Variants in PRR30 observed in about 807,000 individuals in gnomAD.
PRR30 encodes the protein proline rich 30.
For synonymous variants in PRR30, 229 were observed against 222.7 expected, an observed-to-expected ratio of 1.03 and a Z score of -0.25; for missense variants, 546 against 525.3, an observed-to-expected ratio of 1.04 and a Z score of -0.39.
rs751095543 is a variant in PRR30 at position 27,137,623 on chromosome 2, A to G, written c.707T>C (p.Leu236Pro). ...GGCCTGGCCGGTTCTGCCTAGCCAC[A>G]GGTGCTGCAAAAGCAGTAGCCGCAG... ...HDLRLLLLQH[L>P]WLGRTGQAPV... The change falls in exon 3 of 3, where the codon CTG becomes CCG. Residue 236 changes from leucine (L) to proline (P), a missense_variant. By Grantham distance (98) the Leu-to-Pro change is moderately conservative. Coordinates refer to ENST00000335524, the MANE Select transcript of PRR30 (RefSeq NM_178553.4). The surrounding 1 kb of genome is among the most constrained non-coding windows in gnomAD (Gnocchi z 4.3). The G allele has an allele frequency of 6.8e-6, 11 of 1,611,928 alleles. No homozygotes were observed. The highest frequency in any genetic ancestry group is 9.3e-6 in the Non-Finnish European group (11 of 1,179,408).
rs1445673440 is a variant in PRR30 at position 27,138,155 on chromosome 2, G to A, written c.175C>T (p.Pro59Ser). The A allele has an allele frequency of 1.2e-6, 2 of 1,613,934 alleles. No homozygotes were observed. Among genetic ancestry groups the A allele is most frequent in the Non-Finnish European group, 8.5e-7 (1 of 1,179,964 alleles). ...PPFSSTQSRR[P>S]SSPPPASPSP... The stretch of plus-strand genomic sequence containing the variant: ...GGGGATGCTGGTGGAGGGGAGGAGG[G>A]ACGACGGGACTGAGTGGAAGAGAAC... Residue 59 changes from proline (P) to serine (S), a missense_variant, in exon 3 of 3, where the codon CCC (proline) becomes TCC (serine). By Grantham distance (74) the Pro-to-Ser change is moderately conservative. Transcript: ENST00000335524.
chr2:27,136,892 G>A lies in PRR30; in HGVS notation c.*199C>T. On this transcript the variant is annotated 3_prime_UTR_variant, in exon 3 of 3. Transcript: ENST00000335524. ...ATTAGATACACGGAGGGCTGAATGG[G>A]GCCTTGGTGCCCTTGGTCCTCTTCA... 1.4e-6 allele frequency: 1 copy of A among 706,788 alleles called. No homozygotes were observed. The highest frequency in any genetic ancestry group is 2.0e-5 in the South Asian group (1 of 50,624). 43.8% of individuals were successfully genotyped at this position (706,788 alleles called of 1,614,324 possible).
At position 27,137,187 on chromosome 2, in the gene PRR30, TGCCCGAGGTGGAGGCCCGGA is replaced by T. The variant is rs773129570; in HGVS notation, c.1123_1142del (p.Ser375ThrfsTer91). 1.2e-6 allele frequency: 2 copies of T among 1,614,134 alleles called. No individual in the cohort carries two copies. The highest frequency in any genetic ancestry group is 1.7e-6 in the Non-Finnish European group (2 of 1,180,002). On this transcript the variant is annotated frameshift_variant, in exon 3 of 3. Transcript: ENST00000335524. LOFTEE classifies it low-confidence loss of function (END_TRUNC). The surrounding 1 kb of genome is among the most constrained non-coding windows in gnomAD (Gnocchi z 4.3). ...TCAGGGAGGTAGTGACCTGTTTTGG[TGCCCGAGGTGGAGGCCCGGA>T]GAAACATCGTGGGGAGTTTGGTGAT...
Position 27,138,664 on chromosome 2 carries a change from G to T in PRR30, c.-335C>A. The stretch of plus-strand genomic sequence containing the variant: ...GAGGGGCAGCAGCGATTATCTGGGT[G>T]GGGCAGAGAGGAAGACAAAGCCCAT... On this transcript the variant is annotated 5_prime_UTR_variant, in exon 3 of 3. Coordinates refer to ENST00000335524, the MANE Select transcript of PRR30 (RefSeq NM_178553.4). 1 of 308,046 alleles carries T rather than the reference G, an allele frequency of 3.2e-6. No individual in the cohort carries two copies. The highest frequency in any genetic ancestry group is 4.6e-5 in the Admixed American group (1 of 21,668). 19.1% of individuals were successfully genotyped at this position (308,046 alleles called of 1,614,324 possible).
rs1182212552 is a variant in PRR30, at chr2:27,137,303, C to A, written c.1027G>T (p.Ala343Ser). Residue 343 changes from alanine (A) to serine (S), a missense_variant, in exon 3 of 3, where the codon GCT becomes TCT. Physicochemically the swap from Ala to Ser is moderately conservative, Grantham distance 99 (BLOSUM62 1). Transcript: ENST00000335524. This position sits in a 1 kb window ranked among gnomAD's most constrained non-coding sequence, Gnocchi z 4.3. ...HQLPASQPPA[A>S]QARADPVPGT... is the part of the protein sequence containing the mutation. ...GGGACTGGGTCGGCCCGGGCCTGAGCTGCTGGAGGCTGAGATGCTGGCAAT... is the reference window on the plus strand; with the variant it reads ...GGGACTGGGTCGGCCCGGGCCTGAGATGCTGGAGGCTGAGATGCTGGCAAT... 1 of 1,614,128 alleles carries A rather than the reference C, an allele frequency of 6.2e-7. No individual in the cohort carries two copies. Among genetic ancestry groups the A allele is most frequent in the African/African-American group, 1.3e-5 (1 of 74,944 alleles).
At position 27,138,576 on chromosome 2, in the gene PRR30, T is replaced by C; in HGVS notation, c.-247A>G. On this transcript the variant is annotated 5_prime_UTR_variant, in exon 3 of 3. Coordinates refer to ENST00000335524, the MANE Select transcript of PRR30 (RefSeq NM_178553.4). ...AATCTAAGCTTGGCTTCTCACTTCTTTGCAGTCAACCATTGATGAGGGATG... is the reference window on the plus strand; with the variant it reads ...AATCTAAGCTTGGCTTCTCACTTCTCTGCAGTCAACCATTGATGAGGGATG... 2 of 604,950 alleles carry C rather than the reference T, an allele frequency of 3.3e-6. No homozygotes were observed. Among genetic ancestry groups the C allele is most frequent in the Non-Finnish European group, 5.3e-6 (2 of 377,794 alleles). 37.5% of individuals were successfully genotyped at this position (604,950 alleles called of 1,614,324 possible).
At position 27,137,576 on chromosome 2, in the gene PRR30, A is replaced by G; in HGVS notation, c.754T>C (p.Cys252Arg). ...CTGCGGGGCCGGAGGCACACCAGGC[A>G]TATAGGATACTCCACGACTGGGGCC... is the stretch of plus-strand genomic sequence containing the variant. ...GQAPVVEYPI[C>R]LVCLRPRSPS... Residue 252 changes from cysteine (C) to arginine (R), a missense_variant, in exon 3 of 3, where the codon TGC (cysteine) becomes CGC (arginine). Coordinates refer to ENST00000335524, the MANE Select transcript of PRR30 (RefSeq NM_178553.4). The surrounding 1 kb of genome is among the most constrained non-coding windows in gnomAD (Gnocchi z 4.3). The G allele has an allele frequency of 6.2e-7, 1 of 1,601,810 alleles. No individual in the cohort carries two copies. Among genetic ancestry groups the G allele is most frequent in the Non-Finnish European group, 8.5e-7 (1 of 1,174,016 alleles).
rs765974242 is a variant in PRR30, at chr2:27,138,346, G to A, written c.-17C>T. On this transcript the variant is annotated 5_prime_UTR_variant, in exon 3 of 3. Transcript: ENST00000335524. ...AGGCAACATCGCCTTGAATCCAGAA[G>A]GAACTGGGGCAACAAGACTAGGGAT... 21 of 1,575,612 alleles carry A rather than the reference G, an allele frequency of 1.3e-5. No individual in the cohort carries two copies. Among genetic ancestry groups the A allele is most frequent in the Non-Finnish European group, 1.7e-5 (20 of 1,161,088 alleles).
At position 27,138,542 on chromosome 2, in the gene PRR30, A is replaced by G; in HGVS notation, c.-213T>C. On this transcript the variant is annotated 5_prime_UTR_variant, in exon 3 of 3. The change abolishes an upstream ATG in the 5' untranslated region. Transcript: ENST00000335524. The stretch of plus-strand genomic sequence containing the variant: ...CACCAGGCTCTCAGGGTGTTCAGGC[A>G]TGAGCATGAATCTAAGCTTGGCTTC... 1 of 866,428 alleles carries G rather than the reference A, an allele frequency of 1.2e-6. No homozygotes were observed. Among genetic ancestry groups the G allele is most frequent in the Non-Finnish European group, 1.7e-6 (1 of 594,088 alleles). 53.7% of individuals were successfully genotyped at this position (866,428 alleles called of 1,614,324 possible). A position where few individuals can be genotyped will look rare whatever the true frequency, so the allele number is the denominator to read the frequency against.
In PRR30 at chr2:27,137,608, G is replaced by A; in HGVS notation, c.722C>T (p.Thr241Ile). 6.2e-7 allele frequency: 1 copy of A among 1,610,614 alleles called. No homozygotes were observed. Among genetic ancestry groups the A allele is most frequent in the Non-Finnish European group, 8.5e-7 (1 of 1,178,654 alleles). The change falls in exon 3 of 3, where the codon ACC (threonine) becomes ATC (isoleucine). Residue 241 changes from threonine (T) to isoleucine (I), a missense_variant. Thr to Ile is a moderately conservative substitution (Grantham distance 89, BLOSUM62 -1). Coordinates refer to ENST00000335524, the MANE Select transcript of PRR30 (RefSeq NM_178553.4). This position sits in a 1 kb window ranked among gnomAD's most constrained non-coding sequence, Gnocchi z 4.3. ...ATACTCCACGACTGGGGCCTGGCCG[G>A]TTCTGCCTAGCCACAGGTGCTGCAA... ...LLLQHLWLGR[T>I]GQAPVVEYPI...
In PRR30 at chr2:27,137,460, C is replaced by T. The variant is rs1309581422; in HGVS notation, c.870G>A (p.Gly290=). The T allele has an allele frequency of 6.2e-7, 1 of 1,611,678 alleles. No individual in the cohort carries two copies. The highest frequency in any genetic ancestry group is 1.1e-5 in the South Asian group (1 of 90,998). ...LLPCVQGQES[G]PLRIGIGFGL... is the part of the protein sequence containing the mutation. ...CGAAGCCGATGCCTATCCGGAGTGG[C>T]CCAGATTCCTGGCCCTGCACACAGG... Residue 290 remains glycine, a synonymous_variant, in exon 3 of 3, where the codon GGG becomes GGA. Coordinates refer to ENST00000335524, the MANE Select transcript of PRR30 (RefSeq NM_178553.4). The surrounding 1 kb of genome is among the most constrained non-coding windows in gnomAD (Gnocchi z 4.3).
In PRR30 at chr2:27,137,978, GC is replaced by G. The variant is rs1194854559; in HGVS notation, c.351del (p.Trp117CysfsTer8). 3.1e-6 allele frequency: 5 copies of G among 1,611,358 alleles called. No individual in the cohort carries two copies. In the African/African-American group the frequency reaches 6.7e-5, roughly 22 times the overall value. ...RPRASSPSNH[W>X]LYPSPPLTPS... ...GGGGTCAGAGGGGGAGAGGGGTACA[GC>G]CAGTGGTTGGAGGGAGAGGATGCAC... On this transcript the variant is annotated frameshift_variant, in exon 3 of 3. Coordinates refer to ENST00000335524, the MANE Select transcript of PRR30 (RefSeq NM_178553.4). LOFTEE classifies it low-confidence loss of function (END_TRUNC). This position sits in a 1 kb window ranked among gnomAD's most constrained non-coding sequence, Gnocchi z 4.3.
intron 1 of PRR30, 58 bp downstream of exon 1, chr2:27,139,245 C>T (rs1441947317): frequency 6.6e-6 from 1 of 152,546 alleles, no homozygotes; most frequent in Non-Finnish European, 1.5e-5. Flanking sequence ...GTTCCTCTGA[C>T]CCCTTATTGC....
chr2:27,138,287 C>A lies in PRR30; in HGVS notation c.43G>T (p.Val15Leu). ...NKDQVLPQTS[V>L]LPGRPTWGFS... ...CCCCAAGTGGGGCGCCCAGGGAGCA[C>A]TGAGGTCTGTGGCAGCACCTGGTCC... is the stretch of plus-strand genomic sequence containing the variant. Residue 15 changes from valine to leucine, a missense_variant, in exon 3 of 3, where the codon GTG (valine) becomes TTG (leucine). Physicochemically the swap from Val to Leu is conservative, Grantham distance 32. Coordinates refer to ENST00000335524, the MANE Select transcript of PRR30 (RefSeq NM_178553.4). The A allele has an allele frequency of 6.2e-7, 1 of 1,611,682 alleles. No homozygotes were observed. The highest frequency in any genetic ancestry group is 1.1e-5 in the South Asian group (1 of 90,980).
In PRR30 at chr2:27,137,863, G is replaced by A; in HGVS notation, c.467C>T (p.Thr156Ile). Residue 156 changes from threonine (T) to isoleucine (I), a missense_variant, in exon 3 of 3, where the codon ACA (threonine) becomes ATA (isoleucine). Coordinates refer to ENST00000335524, the MANE Select transcript of PRR30 (RefSeq NM_178553.4). The surrounding 1 kb of genome is among the most constrained non-coding windows in gnomAD (Gnocchi z 4.3). ...PSHPEELHSS[T>I]LTSPGPSPPS... ...TGGGCTGGGGCCTGGGGAAGTGAGT[G>A]TGGAGCTATGCAGTTCCTCGGGGTG... 6.3e-7 allele frequency: 1 copy of A among 1,597,240 alleles called. No individual in the cohort carries two copies. The highest frequency in any genetic ancestry group is 8.5e-7 in the Non-Finnish European group (1 of 1,170,274).
Position 27,137,321 on chromosome 2 carries a change from C to T in PRR30, c.1009G>A (p.Ala337Thr), listed in dbSNP as rs1442354711. 1.9e-6 allele frequency: 3 copies of T among 1,614,242 alleles called. No homozygotes were observed. Among genetic ancestry groups the T allele is most frequent in the Non-Finnish European group, 2.5e-6 (3 of 1,180,042 alleles). Reference protein sequence around the residue: ...ATQACGHQLPASQPPAAQARA... With the variant: ...ATQACGHQLPTSQPPAAQARA... Reference sequence around the variant, plus strand: ...GCCTGAGCTGCTGGAGGCTGAGATGCTGGCAATTGATGCCCACAGGCCTGA... The same window carrying T: ...GCCTGAGCTGCTGGAGGCTGAGATGTTGGCAATTGATGCCCACAGGCCTGA... Residue 337 changes from alanine to threonine, a missense_variant, in exon 3 of 3, where the codon GCA (alanine) becomes ACA (threonine). By Grantham distance (58) the Ala-to-Thr change is moderately conservative. Coordinates refer to ENST00000335524, the MANE Select transcript of PRR30 (RefSeq NM_178553.4). This position sits in a 1 kb window ranked among gnomAD's most constrained non-coding sequence, Gnocchi z 4.3.
rs562271681 is a variant in PRR30 at position 27,137,288 on chromosome 2, C to T, written c.1042G>A (p.Asp348Asn). Residue 348 changes from aspartate to asparagine, a missense_variant, in exon 3 of 3, where the codon GAC (aspartate) becomes AAC (asparagine). Coordinates refer to ENST00000335524, the MANE Select transcript of PRR30 (RefSeq NM_178553.4). This position sits in a 1 kb window ranked among gnomAD's most constrained non-coding sequence, Gnocchi z 4.3. ...TGGGAGGGTGTGCCTGGGACTGGGT[C>T]GGCCCGGGCCTGAGCTGCTGGAGGC... ...SQPPAAQARA[D>N]PVPGTPSQTR... 5.6e-5 allele frequency: 91 copies of T among 1,614,200 alleles called. No homozygotes were observed. Among genetic ancestry groups the T allele is most frequent in the African/African-American group, 4.9e-4 (37 of 75,046 alleles).
chr2:27,138,001 G>A lies in PRR30; in HGVS notation c.329C>T (p.Ala110Val). ...CAGCCAGTGGTTGGAGGGAGAGGAT[G>A]CACGTGGACGGGGGAGAGAGAGGTA... ...QNYLSLPRPR[A>V]SSPSNHWLYP... The change falls in exon 3 of 3, where the codon GCA becomes GTA. Residue 110 changes from alanine to valine, a missense_variant. Coordinates refer to ENST00000335524, the MANE Select transcript of PRR30 (RefSeq NM_178553.4). 6.2e-7 allele frequency: 1 copy of A among 1,612,976 alleles called. No homozygotes were observed. The highest frequency in any genetic ancestry group is 8.5e-7 in the Non-Finnish European group (1 of 1,179,610).
rs1672522658 is a variant in PRR30 at position 27,137,057 on chromosome 2, G to C, written c.*34C>G. On this transcript the variant is annotated 3_prime_UTR_variant, in exon 3 of 3. Coordinates refer to ENST00000335524, the MANE Select transcript of PRR30 (RefSeq NM_178553.4). The surrounding 1 kb of genome is among the most constrained non-coding windows in gnomAD (Gnocchi z 4.3). ...CCTGGTTGGGAGGGTTGGGTTTGGA[G>C]GGGGTGTTCCAGGGGGCCTCCGTGG... The C allele has an allele frequency of 2.5e-6, 4 of 1,600,936 alleles. No individual in the cohort carries two copies. The highest frequency in any genetic ancestry group is 1.3e-5 in the African/African-American group (1 of 74,636).
Sources: allele counts gnomAD v4.1 joint callset, GRCh38; gene constraint gnomAD v4.1.1; non-coding constraint Gnocchi (gnomAD v3.1); transcripts MANE v1.5; gene names NCBI Gene and HGNC (gene_info 2026-07-23, HGNC 2026-07-21).